RXFP2: variants seen among roughly 807,000 people sequenced by gnomAD.
RXFP2 encodes the protein relaxin family peptide receptor 2.
RXFP2 carries 68 observed loss-of-function variants against 88.6 expected under a neutral mutation model. The ratio of observed to expected loss-of-function variants is 0.77; its 90% confidence interval spans 0.63 to 0.94. The LOEUF is 0.94. Among genes scored for constraint, RXFP2 ranks in the 40% least tolerant of loss-of-function variants. RXFP2 has a pLI of 0.00. For synonymous variants in RXFP2, 329 were observed against 306.8 expected (o/e 1.07, Z -0.76); for missense variants, 791 against 893.9 (o/e 0.88, Z 1.47).
At chr13:31,795,769 G>A (rs1456257055) in intron 16 of RXFP2, among the ~76,000 whole-genome samples, 2 of 152,008 alleles carry the variant, frequency 1.3e-5, no homozygotes, top group East Asian at 1.9e-4. Context: ...TTTTCACTGT[G>A]AGAAATGAGA....
At chr13:31,744,279 C>T (rs1216805165) in intron 1 of RXFP2, among the ~76,000 whole-genome samples, 3 of 152,286 alleles carry the variant, frequency 2.0e-5, no homozygotes, top group East Asian at 1.9e-4. Context: ...GAGTTGATCA[C>T]CTTTGCCTAC....
intron 13 of RXFP2, among the ~76,000 whole-genome samples, chr13:31,788,011 C>A (rs945420057): frequency 2.0e-5 from 3 of 152,222 alleles, no homozygotes; most frequent in Non-Finnish European, 4.4e-5. Context: ...CCAACTTACA[C>A]AAAGCATTGT....
At chr13:31,780,224 T>C (rs921916135) in intron 9 of RXFP2, among the ~76,000 whole-genome samples, 2 of 152,154 alleles carry the variant, frequency 1.3e-5, no homozygotes, top group Non-Finnish European at 2.9e-5. Context: ...GACAGCCTGA[T>C]TGCAATTGAG....
At chr13:31,756,673 G>C (rs1482331173) in intron 1 of RXFP2, among the ~76,000 whole-genome samples, 1 of 148,374 alleles carries the variant, frequency 6.7e-6, no homozygotes, top group Non-Finnish European at 1.5e-5. Context: ...CCAGGCTGGA[G>C]TGCAGTGGTG....
intron 17 of RXFP2, among the ~76,000 whole-genome samples, chr13:31,799,932 C>A (rs1324433230): frequency 6.6e-6 from 1 of 152,136 alleles, no homozygotes; most frequent in African/African-American, 2.4e-5. Context: ...TACGACACCT[C>A]AGATCATGAT....
intron 7 of RXFP2, among the ~76,000 whole-genome samples, 176 bp from the exon 8 acceptor site, chr13:31,777,200 A>G (rs187739184): frequency 6.6e-6 from 1 of 152,294 alleles, no homozygotes; most frequent in African/African-American, 2.4e-5. Flanking sequence ...TGGAAGCTGT[A>G]GGAATTTGGA....
At chr13:31,777,503 C>T in intron 8 of RXFP2, 56 bp downstream of exon 8, 1 of 1,240,610 alleles carries the variant, frequency 8.1e-7, no homozygotes, top group Non-Finnish European at 1.2e-6. Flanking sequence ...TGACATCTAG[C>T]ACTAGCTTAC....
At chr13:31,772,943 T>C (rs917672914) in intron 5 of RXFP2, among the ~76,000 whole-genome samples, 3 of 152,266 alleles carry the variant, frequency 2.0e-5, no homozygotes, top group African/African-American at 7.2e-5. Flanking sequence ...ATTTCTCATC[T>C]TGAATAAAAT....
intron 9 of RXFP2, among the ~76,000 whole-genome samples, chr13:31,781,346 G>A (rs140612160): frequency 9.1e-4 from 138 of 152,230 alleles, no homozygotes; most frequent in Non-Finnish European, 1.7e-3. Flanking sequence ...GCTGTGTGAT[G>A]CGTGTAGAAC....
intron 5 of RXFP2, among the ~76,000 whole-genome samples, chr13:31,771,758 C>A (rs1206696308): frequency 6.6e-6 from 1 of 151,284 alleles, no homozygotes; most frequent in Non-Finnish European, 1.5e-5. Context: ...CACCACAGCA[C>A]TCCAGCCTGG....
chr13:31,793,449 A>G (rs1873889040), intron 16 of RXFP2, among the ~76,000 whole-genome samples: 2 of 150,732 alleles, frequency 1.3e-5, no homozygotes, highest in African/African-American at 4.9e-5. Flanking sequence ...TTTTTTTACA[A>G]TCTAGTTATG....
At chr13:31,764,309 G>T (rs1872450603) in intron 3 of RXFP2, among the ~76,000 whole-genome samples, 1 of 149,184 alleles carries the variant, frequency 6.7e-6, no homozygotes, top group South Asian at 2.1e-4. Context: ...CTATGGACCA[G>T]CTTGGCCTGG....
chr13:31,744,467 G>A (rs1011211578), intron 1 of RXFP2, among the ~76,000 whole-genome samples: 7 of 152,182 alleles, frequency 4.6e-5, no homozygotes, highest in Non-Finnish European at 7.3e-5. Context: ...TCTAAAAAAT[G>A]TTATAAATTC....
chr13:31,796,038 CTTTTTTTTTTT>C (rs776535132), intron 16 of RXFP2, among the ~76,000 whole-genome samples: 20 of 36,982 alleles, frequency 5.4e-4, no homozygotes, highest in Non-Finnish European at 7.2e-4. Context: ...ATGTGTTATT[CTTTTTTTTTTT>C]TTTTTTTTTT....
chr13:31,786,746 C>T (rs1873564443), intron 13 of RXFP2, 109 bp downstream of exon 13: 2 of 714,126 alleles, frequency 2.8e-6, no homozygotes, highest in Non-Finnish European at 5.0e-6. Context: ...TTTCAGACAA[C>T]TGTCTGAATC....
At chr13:31,767,602 G>A (rs1210324300) in intron 5 of RXFP2, among the ~76,000 whole-genome samples, 1 of 152,152 alleles carries the variant, frequency 6.6e-6, no homozygotes, top group African/African-American at 2.4e-5. Context: ...CTATTTTCTA[G>A]AGTCATAGAA....
In RXFP2 at chr13:31,765,058, G is replaced by A. The variant is rs2138415881; in HGVS notation, c.341G>A (p.Cys114Tyr). 2 of 1,605,288 alleles carry A rather than the reference G, an allele frequency of 1.2e-6. No individual in the cohort carries two copies. The highest frequency in any genetic ancestry group is 8.5e-7 in the Non-Finnish European group (1 of 1,172,228). ...QECFLKQYPQCCDCKETELEC... is the reference protein window; with the variant it reads ...QECFLKQYPQYCDCKETELEC... ...TTAGTTCTAAAACAGTATCCACAATGCTGTGACTGCAAAGAAACTGAATTG... is the reference window on the plus strand; with the variant it reads ...TTAGTTCTAAAACAGTATCCACAATACTGTGACTGCAAAGAAACTGAATTG... The change falls in exon 4 of 18, where the codon TGC (cysteine) becomes TAC (tyrosine). Residue 114 changes from cysteine to tyrosine, a missense_variant. Physicochemically the swap from Cys to Tyr is radical, Grantham distance 194 (BLOSUM62 -2). Coordinates refer to ENST00000298386, the MANE Select transcript of RXFP2 (RefSeq NM_130806.5).
intron 2 of RXFP2, among the ~76,000 whole-genome samples, chr13:31,760,848 A>T (rs995886226): frequency 1.3e-5 from 2 of 152,220 alleles, no homozygotes; most frequent in Non-Finnish European, 2.9e-5. Context: ...TAAAAATATG[A>T]TTTACCAAAA....
intron 3 of RXFP2, among the ~76,000 whole-genome samples, chr13:31,764,243 T>TCACACACACACACACA (rs56132108): frequency 2.6e-3 from 344 of 131,764 alleles, no homozygotes; most frequent in Non-Finnish European, 4.1e-3. Context: ...TCTCTCTCTT[T>TCACACACACACACACA]CACACACACA....
Sources: gnomAD v4.1 joint callset for allele counts (sites outside exome capture counted in the v4.1 genomes callset) on GRCh38, gnomAD v4.1.1 for gene constraint, MANE v1.5 for transcripts, NCBI Gene and HGNC (gene_info 2026-07-23, HGNC 2026-07-21) for gene names.